CPXM2: variants seen among roughly 807,000 people sequenced by gnomAD.
CPXM2 encodes the protein inactive carboxypeptidase-like protein X2.
A neutral mutation model predicts 86.1 loss-of-function variants in CPXM2; 66 were observed. That is an observed-to-expected ratio of 0.77 (90% CI 0.63 to 0.94). The LOEUF is 0.94. Ranked by LOEUF, CPXM2 falls within the 40% of genes least tolerant of loss-of-function variation. The pLI is 0.00. For missense variants in CPXM2, 948 were observed against 1,026.3 expected (o/e 0.92, Z 1.04); for synonymous variants, 388 against 400.2 (o/e 0.97, Z 0.36).
chr10:123,814,903 T>C (rs1847781859), intron 4 of CPXM2, among the ~76,000 whole-genome samples: 1 of 152,130 alleles, frequency 6.6e-6, no homozygotes, highest in Non-Finnish European at 1.5e-5. Flanking sequence ...TGTACACCTG[T>C]AGTCCCAGCT....
At chr10:123,848,832 C>G (rs756227290) in intron 3 of CPXM2, among the ~76,000 whole-genome samples, 1 of 152,138 alleles carries the variant, frequency 6.6e-6, no homozygotes, top group African/African-American at 2.4e-5. Flanking sequence ...TATTTAAATA[C>G]CCCCAGTTAG....
chr10:123,798,277 A>C, intron 5 of CPXM2, 151 bp from the exon 6 acceptor site: 10 of 678,116 alleles, frequency 1.5e-5, no homozygotes, highest in Admixed American at 3.7e-5. Flanking sequence ...AAAGAAATGA[A>C]TCAGGCCTGG....
At chr10:123,763,480 T>A (rs1335919148) in intron 10 of CPXM2, among the ~76,000 whole-genome samples, 1 of 152,036 alleles carries the variant, frequency 6.6e-6, no homozygotes, top group Non-Finnish European at 1.5e-5. Flanking sequence ...TCTCATTCTG[T>A]CTCTTTTGTT....
chr10:123,806,687 C>T (rs1392566937), intron 4 of CPXM2, among the ~76,000 whole-genome samples: 1 of 152,048 alleles, frequency 6.6e-6, no homozygotes, highest in Non-Finnish European at 1.5e-5. Context: ...CATCAAGAAA[C>T]TTACAATCAT....
chr10:123,875,745 A>G (rs1393660900), intron 2 of CPXM2, among the ~76,000 whole-genome samples: 1 of 150,774 alleles, frequency 6.6e-6, no homozygotes, highest in Non-Finnish European at 1.5e-5. Flanking sequence ...ATTCACCAAC[A>G]TGTTTCAGGG....
At chr10:123,831,880 T>C (rs1442373447) in intron 4 of CPXM2, among the ~76,000 whole-genome samples, 2 of 150,666 alleles carry the variant, frequency 1.3e-5, no homozygotes, top group African/African-American at 4.9e-5. Context: ...TTCTTTGCCA[T>C]GTAACCAACC....
intron 10 of CPXM2, among the ~76,000 whole-genome samples, chr10:123,764,835 A>T (rs962081612): frequency 7.2e-5 from 11 of 152,166 alleles, no homozygotes; most frequent in African/African-American, 2.4e-4. Flanking sequence ...CTAACTTCTT[A>T]AGTTAGTTAA....
At chr10:123,752,389 A>G in intron 13 of CPXM2, 1 of 984,952 alleles carries the variant, frequency 1.0e-6, no homozygotes, top group Non-Finnish European at 1.2e-6. Flanking sequence ...TTGAGCAAAG[A>G]AATCAGTAAC....
At chr10:123,870,458 C>T (rs777649351) in intron 2 of CPXM2, among the ~76,000 whole-genome samples, 20 of 152,300 alleles carry the variant, frequency 1.3e-4, no homozygotes, top group East Asian at 3.9e-4. Flanking sequence ...CTTTCATTGT[C>T]GCCTATAAAT....
At chr10:123,751,592 A>G in intron 13 of CPXM2, 1 of 985,380 alleles carries the variant, frequency 1.0e-6, no homozygotes, top group Non-Finnish European at 1.2e-6. Flanking sequence ...TGGAACGGTG[A>G]GCCGGGTGTC....
In CPXM2 at chr10:123,757,480, GT is replaced by G; in HGVS notation, c.1778-129del. On this transcript the variant is annotated intron_variant, in intron 11 of 13. Transcript: ENST00000241305. ...CCTTGTTTAAACAGGGAGATATGAAGTATCTACTATAGACAAAAATTTGCAT... is the reference window on the plus strand; with the variant it reads ...CCTTGTTTAAACAGGGAGATATGAAGATCTACTATAGACAAAAATTTGCAT... The G allele has an allele frequency of 3.5e-5, 28 of 792,478 alleles. No homozygotes were observed. The South Asian group carries it at 4.6e-4, about 13-fold the overall frequency. The allele number at this position is 792,478 out of a possible 1,614,324, so 49.1% of individuals were successfully genotyped here.
chr10:123,764,702 G>A (rs150819745), intron 10 of CPXM2, among the ~76,000 whole-genome samples: 1 of 152,234 alleles, frequency 6.6e-6, no homozygotes, highest in Non-Finnish European at 1.5e-5. Flanking sequence ...GGCCATGCTA[G>A]TCTTGAACTC....
chr10:123,798,035 G>T lies in CPXM2; in HGVS notation c.830C>A (p.Ser277Tyr), dbSNP rs781693992. ...VARYIRINPQ[S>Y]WFDNGSICMR... The stretch of plus-strand genomic sequence containing the variant: ...GCAGATGCTCCCATTATCAAACCAG[G>T]ACTGAGGGTTTATGCGGATGTAGCG... The change falls in exon 6 of 14, where the codon TCC becomes TAC. Residue 277 changes from serine to tyrosine, a missense_variant. Ser to Tyr is a moderately radical substitution (Grantham distance 144, BLOSUM62 -2). Transcript: ENST00000241305. The T allele has an allele frequency of 3.1e-6, 5 of 1,611,958 alleles. No homozygotes were observed. Among genetic ancestry groups the T allele is most frequent in the South Asian group, 2.2e-5 (2 of 90,638 alleles).
intron 4 of CPXM2, among the ~76,000 whole-genome samples, chr10:123,799,835 G>A (rs1485215000): frequency 6.6e-6 from 1 of 152,088 alleles, no homozygotes; most frequent in Non-Finnish European, 1.5e-5. Flanking sequence ...GGGTAAATTA[G>A]CCATAATTTG....
chr10:123,885,255 G>A lies in CPXM2; in HGVS notation c.305-4946C>T, dbSNP rs1024743111. Among the ~76,000 whole-genome samples the A allele has an allele frequency of 1.3e-5, 2 of 152,102 alleles. No homozygotes were observed. The highest frequency in any genetic ancestry group is 1.9e-4 in the East Asian group (1 of 5,194). On this transcript the variant is annotated intron_variant, in intron 1 of 13. Coordinates refer to ENST00000241305, the MANE Select transcript of CPXM2 (RefSeq NM_198148.3). The surrounding 1 kb of genome is among the most constrained non-coding windows in gnomAD (Gnocchi z 4.0). The stretch of plus-strand genomic sequence containing the variant: ...AGATGCCTCTGAGCTGCCCCACTCC[G>A]GAGGCTGGGAGGCTAGAAGGCTGGG...
chr10:123,762,062 C>T lies in CPXM2; in HGVS notation c.1587G>A (p.Leu529=). The T allele has an allele frequency of 1.2e-6, 2 of 1,614,054 alleles. No homozygotes were observed. The highest frequency in any genetic ancestry group is 1.7e-6 in the Non-Finnish European group (2 of 1,180,006). ...GELVVAYPYD[L]VRSPWKTQEH... is the part of the protein sequence containing the mutation. ...CCTGCGTCTTCCAGGGGGACCGCAC[C>T]AGGTCGTAGGGGTACGCCACCACCA... The change falls in exon 11 of 14, where the codon CTG becomes CTA. Residue 529 remains leucine (L), a synonymous_variant. Coordinates refer to ENST00000241305, the MANE Select transcript of CPXM2 (RefSeq NM_198148.3).
At chr10:123,919,536 C>T (rs1945564473) in intron 2 of CPXM2, among the ~76,000 whole-genome samples, 1 of 152,130 alleles carries the variant, frequency 6.6e-6, no homozygotes, top group Non-Finnish European at 1.5e-5. Context: ...TAGAAAGTTA[C>T]AAGCTCTCAG....
intron 1 of CPXM2, among the ~76,000 whole-genome samples, chr10:123,889,669 G>A (rs1996432): frequency 0.39 from 59,537 of 152,018 alleles, 12,170 homozygotes; most frequent in African/African-American, 0.45. Context: ...GTAAAGTGAG[G>A]TGGCAGGTGC....
intron 3 of CPXM2, among the ~76,000 whole-genome samples, chr10:123,853,252 T>C (rs371529313): frequency 6.6e-6 from 1 of 152,236 alleles, no homozygotes; most frequent in South Asian, 2.1e-4. Flanking sequence ...ATGTTTCCTG[T>C]ACAGCCTACA....
Sources: gnomAD v4.1 joint callset for allele counts (sites outside exome capture counted in the v4.1 genomes callset) on GRCh38, gnomAD v4.1.1 for gene constraint, Gnocchi (gnomAD v3.1) non-coding constraint, MANE v1.5 for transcripts, NCBI Gene and HGNC (gene_info 2026-07-23, HGNC 2026-07-21) for gene names.